NPY1R: variants seen among roughly 807,000 people sequenced by gnomAD.
NPY1R encodes the protein neuropeptide Y receptor type 1.
Under a neutral mutation model 24.1 loss-of-function variants are expected in NPY1R, and 10 were observed. The ratio of observed to expected loss-of-function variants is 0.42; its 90% confidence interval spans 0.26 to 0.71. NPY1R has a LOEUF of 0.71. NPY1R is among the 30% of genes least tolerant of loss of function. NPY1R has a pLI of 0.28. For missense variants in NPY1R, 350 were observed against 458.0 expected, an observed-to-expected ratio of 0.76 and a Z score of 2.15; for synonymous variants, 168 against 165.9, an observed-to-expected ratio of 1.01 and a Z score of -0.10.
intron 1 of NPY1R, among the ~76,000 whole-genome samples, chr4:163,340,640 C>T (rs1027034302): frequency 6.6e-6 from 1 of 151,934 alleles, no homozygotes; most frequent in African/African-American, 2.4e-5. Context: ...AAGGGGACTC[C>T]AGATCTTCGA....
Position 163,326,375 on chromosome 4 carries a change from G to C in NPY1R, c.180C>G (p.Ala60=), listed in dbSNP as rs766977446. Residue 60 remains alanine, a synonymous_variant, in exon 2 of 3, where the codon GCC becomes GCG. Coordinates refer to ENST00000296533, the MANE Select transcript of NPY1R (RefSeq NM_000909.6). ...VIILGVSGNL[A]LIIIILKQKE... ...TTTGTTTCAAGATGATTATGATCAAGGCCAGGTTTCCAGAGACACCAAGAA... is the reference window on the plus strand; with the variant it reads ...TTTGTTTCAAGATGATTATGATCAACGCCAGGTTTCCAGAGACACCAAGAA... 6 of 1,614,096 alleles carry C rather than the reference G, an allele frequency of 3.7e-6. No homozygotes were observed. The highest frequency in any genetic ancestry group is 4.2e-6 in the Non-Finnish European group (5 of 1,179,954).
chr4:163,330,779 T>C (rs1734707850), intron 1 of NPY1R: 1 of 152,240 alleles, frequency 6.6e-6, no homozygotes, highest in Admixed American at 6.5e-5. Flanking sequence ...GGCCTTTCAT[T>C]GCTTGCTCTT....
chr4:163,328,837 A>G (rs1734666044), intron 1 of NPY1R, among the ~76,000 whole-genome samples: 1 of 152,206 alleles, frequency 6.6e-6, no homozygotes, highest in South Asian at 2.1e-4. Flanking sequence ...AGTCCCTAGA[A>G]TCCTTAGTTG....
chr4:163,344,569 T>C (rs1735134471), exon 1 of NPY1R: 1 of 152,294 alleles, frequency 6.6e-6, no homozygotes, highest in Non-Finnish European at 1.5e-5. Flanking sequence ...GGTCCAGCGC[T>C]GACCCGAGCC....
chr4:163,325,490 A>C lies in NPY1R; in HGVS notation c.968T>G (p.Leu323Arg). The C allele has an allele frequency of 6.2e-7, 1 of 1,614,176 alleles. No homozygotes were observed. The highest frequency in any genetic ancestry group is 1.1e-5 in the South Asian group (1 of 91,082). The change falls in exon 3 of 3, where the codon CTG (leucine) becomes CGG (arginine). Residue 323 changes from leucine (L) to arginine (R), a missense_variant. Physicochemically the swap from Leu to Arg is moderately radical, Grantham distance 102. Coordinates refer to ENST00000296533, the MANE Select transcript of NPY1R (RefSeq NM_000909.6). ...TCVNPIFYGF[L>R]NKNFQRDLQF... is the part of the protein sequence containing the mutation. ...CAAGTCTCTCTGGAAGTTTTTGTTC[A>C]GGAACCCATAAAATATGGGGTTGAC...
chr4:163,326,084 T>A lies in NPY1R; in HGVS notation c.471A>T (p.Val157=), dbSNP rs1293771005. ...CAAGGACCCAAATCACAGCAATACC[T>A]ACATAAGCATGTCTATTATTTGGTC... ...GWRPNNRHAY[V]GIAVIWVLAV... is the part of the protein sequence containing the mutation. Residue 157 remains valine (V), a synonymous_variant, in exon 2 of 3, where the codon GTA becomes GTT. Transcript: ENST00000296533. 2.5e-6 allele frequency: 4 copies of A among 1,614,134 alleles called. No individual in the cohort carries two copies. The highest frequency in any genetic ancestry group is 3.4e-6 in the Non-Finnish European group (4 of 1,179,978).
At chr4:163,339,488 G>A (rs1166380980) in intron 1 of NPY1R, among the ~76,000 whole-genome samples, 1 of 149,002 alleles carries the variant, frequency 6.7e-6, no homozygotes, top group Non-Finnish European at 1.5e-5. Flanking sequence ...ATTTCTTACT[G>A]ACAGTGACTG....
At position 163,324,295 on chromosome 4, in the gene NPY1R, C is replaced by T. The variant is rs1734554271; in HGVS notation, c.*1008G>A. On this transcript the variant is annotated 3_prime_UTR_variant, in exon 3 of 3. Transcript: ENST00000296533. Reference sequence around the variant, plus strand: ...AAGTGAATATTCCTTTAACATTGTACCTTGGTGTTACTTCCTTTGAAAGAT... The same window carrying T: ...AAGTGAATATTCCTTTAACATTGTATCTTGGTGTTACTTCCTTTGAAAGAT... 2.0e-5 allele frequency: 3 copies of T among 152,512 alleles called. No homozygotes were observed. The South Asian group carries it at 6.2e-4, about 32-fold the overall frequency. The allele number at this position is 152,512 out of a possible 1,614,324, so 9.4% of individuals were successfully genotyped here. A position where few individuals can be genotyped will look rare whatever the true frequency, so the allele number is the denominator to read the frequency against.
chr4:163,325,127 T>A lies in NPY1R; in HGVS notation c.*176A>T. The A allele has an allele frequency of 1.7e-6, 1 of 594,784 alleles. No individual in the cohort carries two copies. Among genetic ancestry groups the A allele is most frequent in the Non-Finnish European group, 2.9e-6 (1 of 341,000 alleles). The allele number at this position is 594,784 out of a possible 1,614,324, so 36.8% of individuals were successfully genotyped here. A position where few individuals can be genotyped will look rare whatever the true frequency, so the allele number is the denominator to read the frequency against. On this transcript the variant is annotated 3_prime_UTR_variant, in exon 3 of 3. Coordinates refer to ENST00000296533, the MANE Select transcript of NPY1R (RefSeq NM_000909.6). ...AAGACCCCAAAGCCCACACCTTTTG[T>A]TCCAAATGTAATTATGACAACTACA... is the stretch of plus-strand genomic sequence containing the variant.
chr4:163,343,983 C>A (rs1397623618), intron 1 of NPY1R: 1 of 152,426 alleles, frequency 6.6e-6, no homozygotes, highest in Admixed American at 6.5e-5. Context: ...GGGCCTGCAG[C>A]GGCCGGGGCG....
rs1051277241 is a variant in NPY1R, at chr4:163,324,564, C to T, written c.*739G>A. On this transcript the variant is annotated 3_prime_UTR_variant, in exon 3 of 3. Coordinates refer to ENST00000296533, the MANE Select transcript of NPY1R (RefSeq NM_000909.6). The stretch of plus-strand genomic sequence containing the variant: ...ATTAAATTAATTACTCTAAAATGCT[C>T]TTGTTGTCAGGTACCAAAATGGTTT... 2.6e-5 allele frequency: 4 copies of T among 152,114 alleles called. No homozygotes were observed. The highest frequency in any genetic ancestry group is 6.5e-5 in the Admixed American group (1 of 15,278). The allele number at this position is 152,114 out of a possible 1,614,324, so 9.4% of individuals were successfully genotyped here.
chr4:163,326,215 T>C lies in NPY1R; in HGVS notation c.340A>G (p.Lys114Glu), dbSNP rs1734603475. ...DHWVFGEAMC[K>E]LNPFVQCVSI... ...ACACATTGCACAAAAGGATTCAACT[T>C]ACACATCGCCTCACCAAAGACCCAG... Residue 114 changes from lysine (K) to glutamate (E), a missense_variant, in exon 2 of 3, where the codon AAG (lysine) becomes GAG (glutamate). Physicochemically the swap from Lys to Glu is moderately conservative, Grantham distance 56 (BLOSUM62 1). Coordinates refer to ENST00000296533, the MANE Select transcript of NPY1R (RefSeq NM_000909.6). The C allele has an allele frequency of 6.2e-7, 1 of 1,614,048 alleles. No individual in the cohort carries two copies. Among genetic ancestry groups the C allele is most frequent in the Non-Finnish European group, 8.5e-7 (1 of 1,179,992 alleles).
Position 163,324,553 on chromosome 4 carries a change from T to C in NPY1R, c.*750A>G, listed in dbSNP as rs189237819. The C allele has an allele frequency of 1.8e-4, 28 of 152,260 alleles. No individual in the cohort carries two copies. The highest frequency in any genetic ancestry group is 6.3e-4 in the African/African-American group (26 of 41,558). 9.4% of individuals were successfully genotyped at this position (152,260 alleles called of 1,614,324 possible). On this transcript the variant is annotated 3_prime_UTR_variant, in exon 3 of 3. Coordinates refer to ENST00000296533, the MANE Select transcript of NPY1R (RefSeq NM_000909.6). ...TAATTTACTTTATTAAATTAATTAC[T>C]CTAAAATGCTCTTGTTGTCAGGTAC...
upstream of NPY1R, among the ~76,000 whole-genome samples, chr4:163,337,165 T>A (rs1170170246): frequency 6.6e-6 from 1 of 152,160 alleles, no homozygotes; most frequent in Non-Finnish European, 1.5e-5. Context: ...AGTACACACA[T>A]CTAAGGATGG....
chr4:163,324,233 G>A lies in NPY1R; in HGVS notation c.*1070C>T, dbSNP rs540891889. 2 of 152,710 alleles carry A rather than the reference G, an allele frequency of 1.3e-5. No individual in the cohort carries two copies. Among genetic ancestry groups the A allele is most frequent in the East Asian group, 3.9e-4 (2 of 5,180 alleles). The allele number at this position is 152,710 out of a possible 1,614,324, so 9.5% of individuals were successfully genotyped here. ...TACAAGTTAAAATGGGCTATATGAA[G>A]TATCTGCAGTTTTTGTGTATTTTTC... On this transcript the variant is annotated 3_prime_UTR_variant, in exon 3 of 3. Coordinates refer to ENST00000296533, the MANE Select transcript of NPY1R (RefSeq NM_000909.6).
At position 163,340,680 on chromosome 4, in the gene NPY1R, G is replaced by T. The variant is rs570545119; in HGVS notation, c.-152+3625C>A. ...AAATATTTCATTTTATAAAGAAAAC[G>T]AAGACTGAAAAATCAAGTGCCTATC... is the stretch of plus-strand genomic sequence containing the variant. On this transcript the variant is annotated intron_variant, in intron 1 of 1. Coordinates refer to the NPY1R transcript ENST00000511901. Among the ~76,000 whole-genome samples, 6 of 151,974 alleles carry T rather than the reference G, an allele frequency of 3.9e-5. No individual in the cohort carries two copies. In the East Asian group the frequency reaches 1.2e-3, roughly 29 times the overall value.
chr4:163,337,835 C>G (rs1388894837), upstream of NPY1R, among the ~76,000 whole-genome samples: 1 of 152,230 alleles, frequency 6.6e-6, no homozygotes, highest in Non-Finnish European at 1.5e-5. Flanking sequence ...CTAGCTGCTT[C>G]TCTTTCCTGG....
chr4:163,334,861 GAA>G (rs545497813), upstream of NPY1R, among the ~76,000 whole-genome samples: 8 of 66,900 alleles, frequency 1.2e-4, no homozygotes, highest in Non-Finnish European at 1.8e-4. Flanking sequence ...CTCTGTTTTG[GAA>G]AAAAAAAAAA....
At position 163,326,307 on chromosome 4, in the gene NPY1R, G is replaced by C; in HGVS notation, c.248C>G (p.Ser83Cys). The C allele has an allele frequency of 6.2e-7, 1 of 1,614,096 alleles. No individual in the cohort carries two copies. The highest frequency in any genetic ancestry group is 8.5e-7 in the Non-Finnish European group (1 of 1,179,954). Reference sequence around the variant, plus strand: ...GATGGCAACAAGCAAGTCTGAGAAGGAAAGGTTCACAATCAGGATGTTGGT... The same window carrying C: ...GATGGCAACAAGCAAGTCTGAGAAGCAAAGGTTCACAATCAGGATGTTGGT... ...NVTNILIVNL[S>C]FSDLLVAIMC... Residue 83 changes from serine to cysteine, a missense_variant, in exon 2 of 3, where the codon TCC becomes TGC. Coordinates refer to ENST00000296533, the MANE Select transcript of NPY1R (RefSeq NM_000909.6).
Sources: gnomAD v4.1 joint callset for allele counts (sites outside exome capture counted in the v4.1 genomes callset) on GRCh38, gnomAD v4.1.1 for gene constraint, MANE v1.5 for transcripts, NCBI Gene and HGNC (gene_info 2026-07-23, HGNC 2026-07-21) for gene names.